NRXN1: variants seen among roughly 807,000 people sequenced by gnomAD.
The protein encoded by NRXN1 is neurexin 1, also known as neurexin-1.
NRXN1 carries 39 observed loss-of-function variants against 150.9 expected under a neutral mutation model. The ratio of observed to expected loss-of-function variants is 0.26; its 90% CI spans 0.20 to 0.34. NRXN1 has a LOEUF of 0.34. Among genes scored for constraint, NRXN1 ranks in the 10% least tolerant of loss-of-function variants. NRXN1 has a pLI of 1.00. For missense variants in NRXN1, 1,815 were observed against 1,949.9 expected, an observed-to-expected ratio of 0.93 and a Z score of 1.30; for synonymous variants, 924 against 757.0, an observed-to-expected ratio of 1.22 and a Z score of -3.62.
chr2:50,787,325 C>T (rs1327776980), intron 5 of NRXN1, among the ~76,000 whole-genome samples: 1 of 151,898 alleles, frequency 6.6e-6, no homozygotes. Flanking sequence ...TTTGGGAGGC[C>T]GAGGTGAGTG....
intron 17 of NRXN1, among the ~76,000 whole-genome samples, chr2:50,423,669 C>A (rs1395252586): frequency 1.3e-5 from 2 of 151,854 alleles, no homozygotes; most frequent in Non-Finnish European, 2.9e-5. Flanking sequence ...GCAGATAACC[C>A]ACCCACCAAG....
chr2:50,682,302 C>A (rs1690523015), intron 5 of NRXN1, among the ~76,000 whole-genome samples: 1 of 152,134 alleles, frequency 6.6e-6, no homozygotes, highest in Admixed American at 6.6e-5. Context: ...CCAAGAAAAT[C>A]TTCATAAACC....
intron 2 of NRXN1, among the ~76,000 whole-genome samples, chr2:51,004,576 G>T (rs965338523): frequency 6.6e-6 from 1 of 151,946 alleles, no homozygotes; most frequent in Non-Finnish European, 1.5e-5. Context: ...CTGGGAGGCA[G>T]AGGATGCAGT....
chr2:50,855,176 T>G (rs1161688219), intron 5 of NRXN1, among the ~76,000 whole-genome samples: 1 of 151,958 alleles, frequency 6.6e-6, no homozygotes, highest in Non-Finnish European at 1.5e-5. Flanking sequence ...AATATATTAC[T>G]TTATTTATTA....
intron 21 of NRXN1, chr2:49,974,261 G>A: frequency 4.8e-6 from 3 of 620,762 alleles, no homozygotes; most frequent in Non-Finnish European, 9.2e-6. Context: ...CGGCAGGAAG[G>A]GATGCTGCAG....
intron 17 of NRXN1, among the ~76,000 whole-genome samples, chr2:50,379,653 T>C (rs951087165): frequency 6.6e-6 from 1 of 152,144 alleles, no homozygotes; most frequent in East Asian, 1.9e-4. Context: ...TATGCTTTTC[T>C]GATTAAGGCA....
At chr2:50,095,611 C>A (rs1246041257) in intron 18 of NRXN1, among the ~76,000 whole-genome samples, 1 of 152,066 alleles carries the variant, frequency 6.6e-6, no homozygotes, top group Non-Finnish European at 1.5e-5. Flanking sequence ...GTCCCTTTAA[C>A]TTAACCTTAA....
At chr2:50,334,950 G>C (rs2152987931) in intron 17 of NRXN1, among the ~76,000 whole-genome samples, 1 of 152,240 alleles carries the variant, frequency 6.6e-6, no homozygotes, top group Middle Eastern at 3.4e-3. Context: ...CCTGACTGTT[G>C]ATATCACAGC....
intron 17 of NRXN1, among the ~76,000 whole-genome samples, chr2:50,351,838 A>G (rs913216775): frequency 8.5e-5 from 13 of 152,124 alleles, no homozygotes; most frequent in African/African-American, 3.1e-4. Flanking sequence ...GCTTCAGGAA[A>G]ACCATTTTTG....
intron 17 of NRXN1, among the ~76,000 whole-genome samples, chr2:50,303,652 G>A (rs1369225776): frequency 6.6e-6 from 1 of 152,028 alleles, no homozygotes; most frequent in Admixed American, 6.6e-5. Flanking sequence ...TGAAATATTT[G>A]ATAAGCAGAA....
intron 2 of NRXN1, among the ~76,000 whole-genome samples, chr2:50,993,300 C>T (rs1343109635): frequency 6.6e-6 from 1 of 151,846 alleles, no homozygotes; most frequent in African/African-American, 2.4e-5. Flanking sequence ...ATACTGTATG[C>T]ACATTTATAT....
intron 18 of NRXN1, among the ~76,000 whole-genome samples, chr2:50,193,923 A>G (rs2061595862): frequency 6.6e-6 from 1 of 152,174 alleles, no homozygotes; most frequent in South Asian, 2.1e-4. Flanking sequence ...GTTGATAATG[A>G]CTATTACACT....
chr2:50,190,835 AC>A (rs2061398789), intron 18 of NRXN1, among the ~76,000 whole-genome samples: 1 of 149,866 alleles, frequency 6.7e-6, no homozygotes, highest in African/African-American at 2.5e-5. Flanking sequence ...CTGGTCTCAA[AC>A]TCCCGACTGC....
intron 2 of NRXN1, among the ~76,000 whole-genome samples, chr2:50,961,125 G>C (rs1270833341): frequency 6.6e-6 from 1 of 151,822 alleles, no homozygotes; most frequent in African/African-American, 2.4e-5. Flanking sequence ...CATTGACAGA[G>C]AAATAATTAT....
At chr2:49,954,325 CA>C (rs1215569417) in intron 21 of NRXN1, among the ~76,000 whole-genome samples, 1 of 151,940 alleles carries the variant, frequency 6.6e-6, no homozygotes, top group African/African-American at 2.4e-5. Context: ...TAGGTAGCAC[CA>C]ATCTATGTCT....
At chr2:50,371,251 A>G (rs1454085908) in intron 17 of NRXN1, among the ~76,000 whole-genome samples, 1 of 151,954 alleles carries the variant, frequency 6.6e-6, no homozygotes, top group Non-Finnish European at 1.5e-5. Flanking sequence ...GATTATTACC[A>G]ATAGCCAAAA....
chr2:50,970,594 A>T (rs1048639121), intron 2 of NRXN1, among the ~76,000 whole-genome samples: 1 of 152,180 alleles, frequency 6.6e-6, no homozygotes, highest in Non-Finnish European at 1.5e-5. Flanking sequence ...ACAAAAAATT[A>T]TTCTTGATTC....
At chr2:50,171,236 A>AGT (rs10666950) in intron 18 of NRXN1, among the ~76,000 whole-genome samples, 94,745 of 148,912 alleles carry the variant, frequency 0.64, 30,209 homozygotes, top group African/African-American at 0.71. Context: ...TCAAGACTCA[A>AGT]GTGTGTGTGT....
intron 18 of NRXN1, among the ~76,000 whole-genome samples, chr2:50,165,850 A>G (rs2059648707): frequency 6.6e-6 from 1 of 152,168 alleles, no homozygotes; most frequent in Non-Finnish European, 1.5e-5. Context: ...CTGCTTGCTC[A>G]TATTATCTTA....
Sources: gnomAD v4.1 joint callset for allele counts (sites outside exome capture counted in the v4.1 genomes callset) on GRCh38, gnomAD v4.1.1 for gene constraint, MANE v1.5 for transcripts, NCBI Gene and HGNC (gene_info 2026-07-23, HGNC 2026-07-21) for gene names.